BCLAF1: variants seen among roughly 807,000 people sequenced by gnomAD.
The protein encoded by BCLAF1 is BCL2 associated transcription factor 1.
In BCLAF1, 10 loss-of-function variants were observed where a neutral mutation model predicts 99.5. The ratio of observed to expected loss-of-function variants is 0.10; its 90% CI spans 0.06 to 0.17. BCLAF1 has a LOEUF of 0.17. BCLAF1 is among the 10% of genes least tolerant of loss of function. BCLAF1 has a pLI of 1.00. For synonymous variants in BCLAF1, 255 were observed against 370.9 expected, an observed-to-expected ratio of 0.69 and a Z score of 3.59; for missense variants, 636 against 1,105.8, an observed-to-expected ratio of 0.58 and a Z score of 6.02.
chr6:136,276,982 A>C (rs1166559569), intron 4 of BCLAF1, among the ~76,000 whole-genome samples: 1 of 152,226 alleles, frequency 6.6e-6, no homozygotes, highest in East Asian at 1.9e-4. Flanking sequence ...ATCACAGAAC[A>C]GTTCATATAA....
At chr6:136,286,742 C>T (rs1056675248) in intron 1 of BCLAF1, among the ~76,000 whole-genome samples, 11 of 152,052 alleles carry the variant, frequency 7.2e-5, no homozygotes, top group African/African-American at 2.7e-4. Context: ...GCGAGGCGGG[C>T]GGATCACCCG....
intron 1 of BCLAF1, among the ~76,000 whole-genome samples, chr6:136,285,177 G>A (rs910662948): frequency 6.6e-6 from 1 of 152,122 alleles, no homozygotes; most frequent in African/African-American, 2.4e-5. Context: ...TTGCTTGGGT[G>A]AGTCACTCAT....
intron 1 of BCLAF1, among the ~76,000 whole-genome samples, chr6:136,286,892 CATG>C (rs375935892): frequency 5.3e-5 from 8 of 152,082 alleles, no homozygotes; most frequent in African/African-American, 1.9e-4. Context: ...CGCTTGAACC[CATG>C]AGGTGGAGGT....
chr6:136,268,119 G>C, intron 10 of BCLAF1, 43 bp downstream of exon 10: 3 of 1,489,138 alleles, frequency 2.0e-6, no homozygotes, highest in Non-Finnish European at 2.7e-6. Context: ...AGTACTCTAA[G>C]ATAAACTCCT....
Position 136,276,051 on chromosome 6 carries a change from T to C in BCLAF1, c.1474A>G (p.Lys492Glu). The change falls in exon 5 of 13, where the codon AAA becomes GAA. Residue 492 changes from lysine to glutamate, a missense_variant. Lys to Glu is a moderately conservative substitution (Grantham distance 56). Around this residue, in one of 9 missense-constraint regions of BCLAF1, gnomAD observed 186 missense variants for 275.3 expected, o/e 0.68. Transcript: ENST00000531224. ...DKNSERITVK[K>E]ETQSPEQVKS... is the part of the protein sequence containing the mutation. ...ACCTGCTCAGGTGACTGAGTTTCTTTCTTTACTGTTATTCTTTCAGAATTT... is the reference window on the plus strand; with the variant it reads ...ACCTGCTCAGGTGACTGAGTTTCTTCCTTTACTGTTATTCTTTCAGAATTT... 1 of 1,601,884 alleles carries C rather than the reference T, an allele frequency of 6.2e-7. No homozygotes were observed. Among genetic ancestry groups the C allele is most frequent in the Non-Finnish European group, 8.5e-7 (1 of 1,176,870 alleles).
chr6:136,269,483 T>C lies in BCLAF1; in HGVS notation c.2173A>G (p.Lys725Glu). 6.2e-7 allele frequency: 1 copy of C among 1,611,076 alleles called. No individual in the cohort carries two copies. Among genetic ancestry groups the C allele is most frequent in the East Asian group, 2.2e-5 (1 of 44,838 alleles). ...TATTCCTTGTAATCTTTTGGAGTTT[T>C]TTCCTGCTTTCTTGATCCACTGGAT... ...RESSGSRKQE[K>E]TPKDYKEYKS... Residue 725 changes from lysine to glutamate, a missense_variant, in exon 9 of 13, where the codon AAA becomes GAA. Around this residue, in one of 9 missense-constraint regions of BCLAF1, gnomAD observed 180 missense variants for 270.0 expected, o/e 0.67. Transcript: ENST00000531224.
chr6:136,273,304 A>G, intron 6 of BCLAF1, 117 bp from the exon 7 acceptor site: 1 of 849,724 alleles, frequency 1.2e-6, no homozygotes, highest in Non-Finnish European at 1.8e-6. Flanking sequence ...ACCTAGCAAA[A>G]GAGAATCAAG....
chr6:136,280,372 T>C (rs1444064252), intron 2 of BCLAF1, among the ~76,000 whole-genome samples: 2 of 152,136 alleles, frequency 1.3e-5, no homozygotes, highest in African/African-American at 4.8e-5. Flanking sequence ...GACCACTCCA[T>C]ATACACAATC....
At chr6:136,263,907 T>C (rs1467858491) in intron 11 of BCLAF1, among the ~76,000 whole-genome samples, 1 of 152,116 alleles carries the variant, frequency 6.6e-6, no homozygotes, top group Non-Finnish European at 1.5e-5. Flanking sequence ...AGCTTAGAGA[T>C]AGGAAAATTC....
Position 136,274,541 on chromosome 6 carries a change from T to C in BCLAF1, c.1852+991A>G, listed in dbSNP as rs537404681. ...TTAAATAATTACAGCCCAAAAGAAATTCATCTAACTATTCACTGTTCTGAT... is the reference window on the plus strand; with the variant it reads ...TTAAATAATTACAGCCCAAAAGAAACTCATCTAACTATTCACTGTTCTGAT... On this transcript the variant is annotated intron_variant, in intron 6 of 12. Transcript: ENST00000531224. Among the ~76,000 whole-genome samples the C allele has an allele frequency of 3.9e-5, 6 of 152,110 alleles. No individual in the cohort carries two copies. The South Asian group carries it at 8.3e-4, about 21-fold the overall frequency.
chr6:136,264,868 C>A (rs866893525), intron 11 of BCLAF1, among the ~76,000 whole-genome samples: 9 of 151,986 alleles, frequency 5.9e-5, no homozygotes, highest in Middle Eastern at 6.8e-3. Context: ...TAAATATAAC[C>A]CAGAAAAGCA....
chr6:136,275,350 C>CAT (rs1215513579), intron 6 of BCLAF1, among the ~76,000 whole-genome samples, 182 bp downstream of exon 6: 10 of 152,242 alleles, frequency 6.6e-5, no homozygotes, highest in Non-Finnish European at 1.5e-5. Flanking sequence ...TAACTATCTT[C>CAT]ATAAGTTTCA....
chr6:136,274,243 T>C, intron 6 of BCLAF1: 3 of 995,286 alleles, frequency 3.0e-6, no homozygotes, highest in Non-Finnish European at 4.1e-6. Context: ...CTATATAAAG[T>C]AAGAGCTGTT....
In BCLAF1 at chr6:136,279,891, G is replaced by A. The variant is rs1784139254; in HGVS notation, c.-10-15C>T. The A allele has an allele frequency of 2.1e-6, 3 of 1,447,692 alleles. No individual in the cohort carries two copies. The highest frequency in any genetic ancestry group is 2.5e-5 in the East Asian group (1 of 40,418). 89.7% of individuals were successfully genotyped at this position (1,447,692 alleles called of 1,614,324 possible). A position where few individuals can be genotyped will look rare whatever the true frequency, so the allele number is the denominator to read the frequency against. ...TTTCTTTTCTCCTAATCAAATGATAGGGCAAAAAAAGGTTAAAATTACAAT... is the reference window on the plus strand; with the variant it reads ...TTTCTTTTCTCCTAATCAAATGATAAGGCAAAAAAAGGTTAAAATTACAAT... On this transcript the variant is annotated splice_polypyrimidine_tract_variant and intron_variant, in intron 2 of 12. Coordinates refer to ENST00000531224, the MANE Select transcript of BCLAF1 (RefSeq NM_014739.3).
At chr6:136,266,038 CT>C (rs576498224) in intron 11 of BCLAF1, among the ~76,000 whole-genome samples, 34 of 152,012 alleles carry the variant, frequency 2.2e-4, no homozygotes, top group African/African-American at 8.0e-4. Context: ...ATAACGCACT[CT>C]GTAACTTTTT....
At chr6:136,284,130 GTATATATATATATATATA>G (rs60218804) in intron 1 of BCLAF1, among the ~76,000 whole-genome samples, 1 of 122,120 alleles carries the variant, frequency 8.2e-6, no homozygotes, top group African/African-American at 4.1e-5. Flanking sequence ...GTGTGTGTGT[GTATATATATATATATATA>G]TATATATATA....
chr6:136,274,929 A>C (rs1783047238), intron 6 of BCLAF1, among the ~76,000 whole-genome samples: 1 of 152,038 alleles, frequency 6.6e-6, no homozygotes, highest in Non-Finnish European at 1.5e-5. Context: ...TATCCTAATT[A>C]GTCACTATTC....
At position 136,287,173 on chromosome 6, in the gene BCLAF1, G is replaced by A. The variant is rs1312440155; in HGVS notation, c.-115+2540C>T. Among the ~76,000 whole-genome samples the A allele has an allele frequency of 1.3e-5, 2 of 151,742 alleles. 1 individual carries two copies. The highest frequency in any genetic ancestry group is 2.9e-5 in the Non-Finnish European group (2 of 67,974). ...AAAAAAAAATTAGCAGGACATGGTGGCGGGCCGGCGCCTGTAGTCCCAGCT... is the reference window on the plus strand; with the variant it reads ...AAAAAAAAATTAGCAGGACATGGTGACGGGCCGGCGCCTGTAGTCCCAGCT... On this transcript the variant is annotated intron_variant, in intron 1 of 12. Transcript: ENST00000531224.
chr6:136,274,083 T>C, intron 6 of BCLAF1: 1 of 1,288,432 alleles, frequency 7.8e-7, no homozygotes, highest in Non-Finnish European at 1.0e-6. Flanking sequence ...ACTCAGTTTT[T>C]ATGCCATTTT....
Sources: gnomAD v4.1 joint callset for allele counts (sites outside exome capture counted in the v4.1 genomes callset) on GRCh38, gnomAD v4.1.1 for gene constraint, gnomAD v4.1.1 regional missense constraint, MANE v1.5 for transcripts, NCBI Gene and HGNC (gene_info 2026-07-23, HGNC 2026-07-21) for gene names.